Variants in VCL observed in about 807,000 individuals in gnomAD.
VCL encodes the protein epididymis luminal protein 114.
A neutral mutation model predicts 125.7 loss-of-function variants in VCL; 47 were observed. The observed-to-expected ratio is 0.37, with a 90% CI of 0.30 to 0.48. The LOEUF (loss-of-function observed/expected upper bound fraction) is 0.48. Among genes scored for constraint, VCL ranks in the 20% least tolerant of loss-of-function variants. VCL has a pLI of 0.99. For missense variants in VCL, 1,069 were observed against 1,455.5 expected (o/e 0.73, Z 4.32); for synonymous variants, 458 against 514.6 (o/e 0.89, Z 1.49).
intron 2 of VCL, among the ~76,000 whole-genome samples, chr10:74,055,015 A>T (rs1008479931): frequency 6.6e-6 from 1 of 152,140 alleles, no homozygotes. Flanking sequence ...ACAAAAAGAT[A>T]CAGGCCGGGT....
intron 2 of VCL, among the ~76,000 whole-genome samples, chr10:74,052,959 A>G (rs1467095298): frequency 1.3e-5 from 2 of 149,762 alleles, no homozygotes; most frequent in African/African-American, 4.9e-5. Flanking sequence ...ATATATATAT[A>G]TATATATAGT....
At chr10:74,067,432 T>C (rs1421932719) in intron 2 of VCL, among the ~76,000 whole-genome samples, 2 of 151,972 alleles carry the variant, frequency 1.3e-5, no homozygotes, top group Non-Finnish European at 2.9e-5. Context: ...GGAGCCCTTA[T>C]GTGAAATGGC....
At chr10:74,002,147 T>C (rs918430825) in intron 1 of VCL, among the ~76,000 whole-genome samples, 2 of 152,122 alleles carry the variant, frequency 1.3e-5, no homozygotes, top group African/African-American at 4.8e-5. Context: ...TTTTCTGAGA[T>C]GGAGTTACGC....
intron 16 of VCL, 65 bp from the exon 17 acceptor site, chr10:74,107,165 G>C: frequency 6.2e-7 from 1 of 1,613,088 alleles, no homozygotes; most frequent in Non-Finnish European, 8.5e-7. Flanking sequence ...CAGTTCTGCT[G>C]CTGCACAGAC....
chr10:74,038,099 G>T (rs1256536500), intron 1 of VCL, among the ~76,000 whole-genome samples: 2 of 151,542 alleles, frequency 1.3e-5, no homozygotes, highest in Non-Finnish European at 1.5e-5. Flanking sequence ...CCAGGTTCAA[G>T]CAATTTTCCT....
At chr10:73,998,437 C>T in intron 1 of VCL, 62 bp downstream of exon 1, 1 of 1,305,242 alleles carries the variant, frequency 7.7e-7, no homozygotes, top group Non-Finnish European at 9.7e-7. Flanking sequence ...CCCCGGCCCG[C>T]GTCGCGGCTG....
intron 13 of VCL, among the ~76,000 whole-genome samples, chr10:74,098,206 A>G (rs940386413): frequency 6.6e-6 from 1 of 152,068 alleles, no homozygotes. Context: ...CGTTTGTTCC[A>G]GTCTTCTCCA....
chr10:74,014,298 C>T (rs1424831506), intron 1 of VCL, among the ~76,000 whole-genome samples: 1 of 152,004 alleles, frequency 6.6e-6, no homozygotes, highest in Non-Finnish European at 1.5e-5. Context: ...ATGGCTCAAT[C>T]TCGGCTCACT....
Position 74,119,411 on chromosome 10 carries a change from G to T in VCL, c.*1242G>T, listed in dbSNP as rs1554820000. On this transcript the variant is annotated 3_prime_UTR_variant, in exon 22 of 22. Transcript: ENST00000211998. ...TGAATCAATGGGAAATACTACTCCT[G>T]TAATTCCTACCTCCCTGCAACCAAC... 1 of 152,218 alleles carries T rather than the reference G, an allele frequency of 6.6e-6. No individual in the cohort carries two copies. The highest frequency in any genetic ancestry group is 1.5e-5 in the Non-Finnish European group (1 of 68,052). 9.4% of individuals were successfully genotyped at this position (152,218 alleles called of 1,614,324 possible). A position where few individuals can be genotyped will look rare whatever the true frequency, so the allele number is the denominator to read the frequency against.
At chr10:74,104,758 C>T (rs1045779285) in intron 15 of VCL, among the ~76,000 whole-genome samples, 1 of 152,110 alleles carries the variant, frequency 6.6e-6, no homozygotes, top group Non-Finnish European at 1.5e-5. Context: ...CAGACATATT[C>T]CTTGTTTCCT....
rs1472488654 is a variant in VCL at position 74,101,050 on chromosome 10, G to A, written c.1975G>A (p.Glu659Lys). The change falls in exon 14 of 22, where the codon GAA becomes AAA. Residue 659 changes from glutamate (E) to lysine (K), a missense_variant. Around this residue, in one of 6 missense-constraint regions of VCL, gnomAD observed 760 missense variants for 928.9 expected, o/e 0.82. Transcript: ENST00000211998. ...AVGTANKSTV[E>K]GIQASVKTAR... is the part of the protein sequence containing the mutation. ...TGGTACTGCTAATAAATCAACAGTG[G>A]AAGGCATTCAGGCCTCAGTGAAGAC... 6.2e-7 allele frequency: 1 copy of A among 1,613,730 alleles called. No individual in the cohort carries two copies. The highest frequency in any genetic ancestry group is 8.5e-7 in the Non-Finnish European group (1 of 1,179,836).
intron 17 of VCL, among the ~76,000 whole-genome samples, chr10:74,107,854 C>T (rs1840161941): frequency 1.3e-5 from 2 of 151,942 alleles, no homozygotes; most frequent in Admixed American, 6.6e-5. Context: ...AGATACCTTC[C>T]CCACTACCCC....
intron 9 of VCL, among the ~76,000 whole-genome samples, 164 bp from the exon 10 acceptor site, chr10:74,089,859 T>C (rs1258572597): frequency 1.3e-5 from 2 of 149,140 alleles, no homozygotes; most frequent in Non-Finnish European, 2.9e-5. Context: ...AGATGAGAGA[T>C]TGAGTTTCTT....
Position 74,118,167 on chromosome 10 carries a change from T to G in VCL, c.3403T>G (p.Ter1135GluextTer4). Residue 1135 changes from the stop codon to glutamate (E), a stop_lost, in exon 22 of 22, where the codon TAG (stop) becomes GAG (glutamate). Transcript: ENST00000211998. The part of the protein sequence containing the change: ...RWVRKTPWYQ[*>E] ...GGTTAGAAAGACTCCCTGGTACCAG[T>G]AGGCACCTGGCTGAGCCTGGCTGGC... The G allele has an allele frequency of 1.2e-6, 2 of 1,613,884 alleles. No individual in the cohort carries two copies. Among genetic ancestry groups the G allele is most frequent in the South Asian group, 1.1e-5 (1 of 91,070 alleles).
intron 2 of VCL, among the ~76,000 whole-genome samples, chr10:74,055,510 C>T (rs1841375529): frequency 6.6e-6 from 1 of 150,884 alleles, no homozygotes; most frequent in Non-Finnish European, 1.5e-5. Context: ...CCATACCTGG[C>T]TAACTAAAAG....
intron 2 of VCL, among the ~76,000 whole-genome samples, chr10:74,046,262 T>A (rs1316026689): frequency 1.3e-5 from 2 of 152,108 alleles, no homozygotes; most frequent in East Asian, 3.8e-4. Context: ...ATATATATAT[T>A]TTTGAGACAG....
chr10:74,060,633 G>A (rs1477672599), intron 2 of VCL, among the ~76,000 whole-genome samples: 1 of 129,412 alleles, frequency 7.7e-6, no homozygotes, highest in Non-Finnish European at 1.5e-5. Context: ...TCCAGCCTGG[G>A]CAACAGAATG....
At chr10:74,039,462 C>T (rs1454323202) in intron 1 of VCL, among the ~76,000 whole-genome samples, 1 of 151,990 alleles carries the variant, frequency 6.6e-6, no homozygotes, top group Non-Finnish European at 1.5e-5. Context: ...CCCCTCACCA[C>T]CTAAAAATAG....
chr10:74,009,687 G>A (rs1205341498), intron 1 of VCL, among the ~76,000 whole-genome samples: 1 of 151,762 alleles, frequency 6.6e-6, no homozygotes, highest in East Asian at 1.9e-4. Context: ...TTGACTCACT[G>A]CAACCTCCAC....
Sources: gnomAD v4.1 joint callset for allele counts (sites outside exome capture counted in the v4.1 genomes callset) on GRCh38, gnomAD v4.1.1 for gene constraint, gnomAD v4.1.1 regional missense constraint, MANE v1.5 for transcripts, NCBI Gene and HGNC (gene_info 2026-07-23, HGNC 2026-07-21) for gene names.